Variants in STUM observed in about 807,000 individuals in gnomAD.
STUM encodes protein stum homolog.
Under a neutral mutation model 15.3 loss-of-function variants are expected in STUM, and 8 were observed. The ratio of observed to expected loss-of-function variants is 0.52; its 90% CI spans 0.31 to 0.94. The LOEUF is 0.94. Among genes scored for constraint, STUM ranks in the 40% least tolerant of loss-of-function variants. The probability of loss-of-function intolerance (pLI) is 0.05; values close to 1 mark genes in which losing one functional copy is unlikely to be tolerated. For missense variants in STUM, 142 were observed against 204.9 expected (o/e 0.69, Z 1.87); for synonymous variants, 78 against 88.7 (o/e 0.88, Z 0.68).
At position 226,563,204 on chromosome 1, in the gene STUM, C is replaced by T. The variant is rs1247447165; in HGVS notation, c.202+14098C>T. 7.9e-5 allele frequency among the ~76,000 whole-genome samples: 12 copies of T among 152,226 alleles called. No individual in the cohort carries two copies. In the South Asian group the frequency reaches 2.5e-3, roughly 32 times the overall value. ...GCCAAACACACTCATACGGTTCAGACATAGTGATTGCACCTAAATCCAAAC... is the reference window on the plus strand; with the variant it reads ...GCCAAACACACTCATACGGTTCAGATATAGTGATTGCACCTAAATCCAAAC... On this transcript the variant is annotated intron_variant, in intron 1 of 3. Coordinates refer to ENST00000366788, the MANE Select transcript of STUM (RefSeq NM_001003665.4).
chr1:226,561,329 G>C (rs950938061), intron 1 of STUM, among the ~76,000 whole-genome samples: 1 of 152,228 alleles, frequency 6.6e-6, no homozygotes, highest in African/African-American at 2.4e-5. Flanking sequence ...GTGGAATCAA[G>C]AGCAGGTCCT....
intron 1 of STUM, among the ~76,000 whole-genome samples, chr1:226,584,788 C>T (rs1273760426): frequency 2.0e-5 from 3 of 152,182 alleles, no homozygotes; most frequent in South Asian, 4.1e-4. Flanking sequence ...GTTTACTCAA[C>T]CACTCCATTG....
rs1667319872 is a variant in STUM, at chr1:226,548,891, G to C, written c.-14G>C. ...CCGGCCGTGCTGCCCGGCTGCCTGA[G>C]AGCGCGCCCGGCCATGGAGCCCTCG... On this transcript the variant is annotated 5_prime_UTR_variant, in exon 1 of 4. Transcript: ENST00000366788. 8.1e-6 allele frequency: 11 copies of C among 1,360,878 alleles called. No individual in the cohort carries two copies. The South Asian group carries it at 1.7e-4, about 21-fold the overall frequency. 84.3% of individuals were successfully genotyped at this position (1,360,878 alleles called of 1,614,324 possible). A position where few individuals can be genotyped will look rare whatever the true frequency, so the allele number is the denominator to read the frequency against.
intron 1 of STUM, 50 bp from the exon 2 acceptor site, chr1:226,596,752 C>G: frequency 6.5e-7 from 1 of 1,539,614 alleles, no homozygotes; most frequent in South Asian, 1.1e-5. Flanking sequence ...CACACAGACC[C>G]CTTTGTCTCC....
chr1:226,585,570 G>A (rs1425394601), intron 1 of STUM, among the ~76,000 whole-genome samples: 2 of 152,124 alleles, frequency 1.3e-5, no homozygotes, highest in Non-Finnish European at 2.9e-5. Context: ...GTTGGGATTC[G>A]GACCCTGGCA....
intron 1 of STUM, among the ~76,000 whole-genome samples, chr1:226,596,425 T>C (rs541989519): frequency 3.6e-4 from 55 of 152,354 alleles, no homozygotes; most frequent in Middle Eastern, 3.4e-3. Context: ...CTTTGGCTCT[T>C]GGAATCTTTG....
intron 1 of STUM, among the ~76,000 whole-genome samples, chr1:226,554,612 G>A (rs667462): frequency 0.98 from 149,995 of 152,312 alleles, 73,862 homozygotes; most frequent in East Asian, 1. Flanking sequence ...GGTAATGTCT[G>A]AATTTGATAA....
rs944680864 is a variant in STUM at position 226,606,737 on chromosome 1, C to G, written c.*4697C>G. The G allele has an allele frequency of 2.6e-5, 4 of 152,230 alleles. No individual in the cohort carries two copies. The highest frequency in any genetic ancestry group is 9.7e-5 in the African/African-American group (4 of 41,444). The allele number at this position is 152,230 out of a possible 1,614,324, so 9.4% of individuals were successfully genotyped here. A position where few individuals can be genotyped will look rare whatever the true frequency, so the allele number is the denominator to read the frequency against. ...TCAGGCTTAGGGAGCAGCCTGAAGC[C>G]TTTGCTGTCAACCCTCCCAGGAAAG... On this transcript the variant is annotated 3_prime_UTR_variant, in exon 4 of 4. Coordinates refer to ENST00000366788, the MANE Select transcript of STUM (RefSeq NM_001003665.4).
At chr1:226,587,594 C>T (rs1456497941) in intron 1 of STUM, among the ~76,000 whole-genome samples, 1 of 152,092 alleles carries the variant, frequency 6.6e-6, no homozygotes, top group East Asian at 1.9e-4. Context: ...AGCATTTACC[C>T]GAGACCCTGG....
intron 1 of STUM, among the ~76,000 whole-genome samples, chr1:226,586,073 C>T (rs996196221): frequency 1.3e-5 from 2 of 152,198 alleles, no homozygotes; most frequent in African/African-American, 2.4e-5. Flanking sequence ...AACCTTTGCT[C>T]GATGGAATGC....
chr1:226,574,381 C>G (rs988891854), intron 1 of STUM, among the ~76,000 whole-genome samples: 2 of 152,194 alleles, frequency 1.3e-5, no homozygotes, highest in Non-Finnish European at 2.9e-5. Flanking sequence ...ATAATGTTTT[C>G]CAGGTTCACC....
At chr1:226,557,978 G>A (rs891564975) in intron 1 of STUM, among the ~76,000 whole-genome samples, 1 of 152,134 alleles carries the variant, frequency 6.6e-6, no homozygotes, top group African/African-American at 2.4e-5. Flanking sequence ...GTGTAGAAAG[G>A]TCGTACCTTA....
chr1:226,577,525 A>T (rs1196978347), intron 1 of STUM, among the ~76,000 whole-genome samples: 2 of 151,460 alleles, frequency 1.3e-5, no homozygotes, highest in Non-Finnish European at 2.9e-5. Flanking sequence ...ACACACTCAC[A>T]CACTCAGGCA....
chr1:226,593,885 C>T (rs1279488602), intron 1 of STUM, among the ~76,000 whole-genome samples: 2 of 152,170 alleles, frequency 1.3e-5, no homozygotes, highest in African/African-American at 2.4e-5. Flanking sequence ...TTAGAAATTC[C>T]GTAGATCTCA....
chr1:226,589,215 C>T (rs528039422), intron 1 of STUM, among the ~76,000 whole-genome samples: 1 of 152,298 alleles, frequency 6.6e-6, no homozygotes, highest in East Asian at 1.9e-4. Flanking sequence ...AAAGCTGAAC[C>T]CGGTGAGAAC....
At chr1:226,581,527 C>T (rs1667918593) in intron 1 of STUM, among the ~76,000 whole-genome samples, 1 of 152,196 alleles carries the variant, frequency 6.6e-6, no homozygotes, top group Non-Finnish European at 1.5e-5. Context: ...GGTGACAGGG[C>T]AAGAGTGTAT....
chr1:226,570,394 A>G (rs892684812), intron 1 of STUM, among the ~76,000 whole-genome samples: 3 of 152,212 alleles, frequency 2.0e-5, no homozygotes, highest in African/African-American at 7.2e-5. Context: ...AGAGCAACCA[A>G]TGATGCCCAA....
chr1:226,577,194 T>C (rs1420899883), intron 1 of STUM, among the ~76,000 whole-genome samples: 1 of 152,244 alleles, frequency 6.6e-6, no homozygotes, highest in Non-Finnish European at 1.5e-5. Flanking sequence ...GTTGGTCTTC[T>C]TAACCTCTTG....
chr1:226,552,651 G>A lies in STUM; in HGVS notation c.202+3545G>A, dbSNP rs191657272. ...TCCATTGGACTCAGGACATCAGATA[G>A]GGACAATTTATCCCTAACACACTGC... On this transcript the variant is annotated intron_variant, in intron 1 of 3. Coordinates refer to ENST00000366788, the MANE Select transcript of STUM (RefSeq NM_001003665.4). This position sits in a 1 kb window ranked among gnomAD's most constrained non-coding sequence, Gnocchi z 4.7. Among the ~76,000 whole-genome samples, 639 of 152,276 alleles carry A rather than the reference G, an allele frequency of 4.2e-3. 3 individuals are homozygous for A. Among genetic ancestry groups the A allele is most frequent in the Non-Finnish European group, 6.4e-3 (438 of 68,014 alleles).
Sources: allele counts gnomAD v4.1 joint callset (sites outside exome capture counted in the v4.1 genomes callset), GRCh38; gene constraint gnomAD v4.1.1; non-coding constraint Gnocchi (gnomAD v3.1); transcripts MANE v1.5; gene names NCBI Gene and HGNC (gene_info 2026-07-23, HGNC 2026-07-21).